The following ANKRD36C variants were observed in gnomAD, a reference collection of about 807,000 sequenced individuals.
ANKRD36C encodes the protein ankyrin repeat domain-containing protein 36C.
Under a neutral mutation model 276.4 loss-of-function variants are expected in ANKRD36C, and 61 were observed. That is an observed-to-expected ratio of 0.22 (90% CI 0.18 to 0.27). The LOEUF is 0.27. Ranked by LOEUF, ANKRD36C falls within the 10% of genes least tolerant of loss-of-function variation. The pLI is 1.00. For synonymous variants in ANKRD36C, 483 were observed against 680.1 expected, an observed-to-expected ratio of 0.71 and a Z score of 4.51; for missense variants, 1,447 against 2,032.3, an observed-to-expected ratio of 0.71 and a Z score of 5.54.
At chr2:95,922,347 T>C (rs1187237204) in intron 32 of ANKRD36C, among the ~76,000 whole-genome samples, 1 of 151,636 alleles carries the variant, frequency 6.6e-6, no homozygotes, top group African/African-American at 2.4e-5. Context: ...AGCTTGGATA[T>C]ATGTTTCCTG....
In ANKRD36C at chr2:95,912,385, A is replaced by G. The variant is rs545458408; in HGVS notation, c.2580+22T>C. The G allele has an allele frequency of 1.1e-4, 173 of 1,603,922 alleles. 2 individuals carry two copies. The South Asian group carries it at 1.7e-3, about 16-fold the overall frequency. On this transcript the variant is annotated intron_variant, in intron 41 of 66. Transcript: ENST00000456556. The stretch of plus-strand genomic sequence containing the variant: ...TAGGCTTTACGTTTACTAGCTCACA[A>G]TATGAATGAGAGTTTCATTACCTTC...
chr2:95,953,109 C>T (rs570100101), intron 14 of ANKRD36C, among the ~76,000 whole-genome samples: 16 of 143,038 alleles, frequency 1.1e-4, no homozygotes, highest in African/African-American at 3.3e-4. Flanking sequence ...GTTATTTAAA[C>T]AAAATGCATA....
intron 56 of ANKRD36C, among the ~76,000 whole-genome samples, chr2:95,881,752 G>C (rs1676090038): frequency 6.7e-6 from 1 of 149,516 alleles, no homozygotes. Flanking sequence ...TCTGAAGTGA[G>C]TTCACTCAGG....
intron 36 of ANKRD36C, 133 bp from the exon 39 acceptor site, chr2:95,916,304 G>A (rs757457314): frequency 1.4e-6 from 2 of 1,467,812 alleles, no homozygotes; most frequent in African/African-American, 2.8e-5. Context: ...TCTACTTTGT[G>A]TCTGGGGACT....
intron 42 of ANKRD36C, 63 bp downstream of exon 44, chr2:95,912,181 A>T: frequency 1.3e-6 from 2 of 1,534,790 alleles, no homozygotes; most frequent in Non-Finnish European, 1.8e-6. Flanking sequence ...CCACTGATTT[A>T]TTCGGGGAAG....
intron 6 of ANKRD36C, among the ~76,000 whole-genome samples, chr2:95,975,994 A>T (rs1056800388): frequency 1.3e-5 from 2 of 152,238 alleles, no homozygotes; most frequent in African/African-American, 4.8e-5. Context: ...TCTCAAAAGA[A>T]GACATTTATG....
intron 8 of ANKRD36C, among the ~76,000 whole-genome samples, chr2:95,961,935 C>A (rs1678469775): frequency 6.6e-6 from 1 of 152,002 alleles, no homozygotes; most frequent in Admixed American, 6.6e-5. Context: ...CAGAGGTCTG[C>A]TTAGTTCTCT....
In ANKRD36C at chr2:95,872,522, C is replaced by T. The variant is rs1384841465; in HGVS notation, c.3540+3917G>A. ...TCTGGGACACATTCAAAGCAGTGTG[C>T]AGAGGGAAATTTATAGCACTAAATG... is the stretch of plus-strand genomic sequence containing the variant. On this transcript the variant is annotated intron_variant, in intron 59 of 66. Coordinates refer to ENST00000456556, the Ensembl canonical transcript of ANKRD36C. Among the ~76,000 whole-genome samples, 9 of 150,592 alleles carry T rather than the reference C, an allele frequency of 6.0e-5. No homozygotes were observed. The East Asian group carries it at 1.6e-3, about 26-fold the overall frequency.
At chr2:95,870,078 G>A (rs1248030698) in intron 59 of ANKRD36C, among the ~76,000 whole-genome samples, 1 of 152,212 alleles carries the variant, frequency 6.6e-6, no homozygotes, top group African/African-American at 2.4e-5. Context: ...TCCACCTCTG[G>A]GGGCAGGGCA....
At chr2:95,881,774 G>A (rs917320905) in intron 56 of ANKRD36C, among the ~76,000 whole-genome samples, 3 of 146,862 alleles carry the variant, frequency 2.0e-5, no homozygotes, top group African/African-American at 7.5e-5. Context: ...TTCCTCAGCA[G>A]AAACCCCAAA....
At chr2:95,908,214 G>A (rs995153496) in intron 42 of ANKRD36C, among the ~76,000 whole-genome samples, 5 of 148,802 alleles carry the variant, frequency 3.4e-5, no homozygotes, top group Non-Finnish European at 7.5e-5. Context: ...AAACAAGCTG[G>A]AGAATTAAAG....
rs899665125 is a variant in ANKRD36C at position 95,903,068 on chromosome 2, T to C, written c.2654-3732A>G. The stretch of plus-strand genomic sequence containing the variant: ...GTTTCATTACCTTCAAGCCTGGTGG[T>C]TGCTCTGAAGACACTGAAAAGTAAA... On this transcript the variant is annotated intron_variant, in intron 42 of 66. Transcript: ENST00000456556. 7.0e-6 allele frequency: 11 copies of C among 1,569,442 alleles called. No homozygotes were observed. In the African/African-American group the frequency reaches 1.4e-4, roughly 19 times the overall value.
intron 28 of ANKRD36C, among the ~76,000 whole-genome samples, 168 bp downstream of exon 28, chr2:95,927,046 A>T (rs1421150586): frequency 6.6e-6 from 1 of 151,546 alleles, no homozygotes; most frequent in African/African-American, 2.4e-5. Flanking sequence ...TACTGCAAAG[A>T]TCATGTCAAA....
exon 46 of ANKRD36C, chr2:95,891,714 A>G: frequency 5.7e-6 from 9 of 1,581,562 alleles, no homozygotes; most frequent in Non-Finnish European, 7.7e-6. Flanking sequence ...TATTCAAAAC[A>G]GAATCTTTCT....
chr2:95,849,290 C>T, downstream of ANKRD36C, among the ~76,000 whole-genome samples: 1 of 152,196 alleles, frequency 6.6e-6, no homozygotes, highest in Non-Finnish European at 1.5e-5. Context: ...GAACTCCTGA[C>T]CTCAAGTGGT....
chr2:95,849,667 G>C (rs1675247275), downstream of ANKRD36C, among the ~76,000 whole-genome samples: 1 of 152,190 alleles, frequency 6.6e-6, no homozygotes, highest in Non-Finnish European at 1.5e-5. Context: ...TCTGTAACTA[G>C]ATGGTCCCAT....
chr2:95,939,796 A>G, intron 20 of ANKRD36C, among the ~76,000 whole-genome samples: 1 of 152,312 alleles, frequency 6.6e-6, no homozygotes, highest in African/African-American at 2.4e-5. Flanking sequence ...CTTGGAGAAA[A>G]ATCGTTTCTA....
At chr2:95,870,357 G>A (rs1168143537) in intron 59 of ANKRD36C, among the ~76,000 whole-genome samples, 6 of 152,206 alleles carry the variant, frequency 3.9e-5, no homozygotes, top group Admixed American at 2.0e-4. Context: ...CGCGGTTCAC[G>A]AAAATCTGCT....
At chr2:95,876,596 A>T (rs1462550434) in intron 58 of ANKRD36C, 84 bp from the exon 79 acceptor site, 1 of 702,910 alleles carries the variant, frequency 1.4e-6, no homozygotes, top group Non-Finnish European at 2.6e-6. Flanking sequence ...TCACGCCTGT[A>T]ATCCCAGCAC....
Sources: allele counts gnomAD v4.1 joint callset (sites outside exome capture counted in the v4.1 genomes callset), GRCh38; gene constraint gnomAD v4.1.1; transcripts MANE v1.5; gene names NCBI Gene and HGNC (gene_info 2026-07-23, HGNC 2026-07-21).